Variants in METTL25 observed in about 807,000 individuals in gnomAD.
METTL25 encodes the protein probable methyltransferase-like protein 25.
In METTL25, 64 loss-of-function variants were observed where a neutral mutation model predicts 71.6. That is an observed-to-expected ratio of 0.89 (90% confidence interval 0.73 to 1.10). The LOEUF is 1.10. Among genes scored for constraint, METTL25 ranks in the 50% least tolerant of loss-of-function variants. METTL25 has a pLI of 0.00. For missense variants in METTL25, 807 were observed against 707.0 expected, an observed-to-expected ratio of 1.14 and a Z score of -1.60; for synonymous variants, 287 against 250.3, an observed-to-expected ratio of 1.15 and a Z score of -1.38.
chr12:82,456,580 G>A (rs918558671), intron 8 of METTL25, 147 bp from the exon 9 acceptor site: 35 of 482,096 alleles, frequency 7.3e-5, no homozygotes, highest in African/African-American at 5.6e-4. Flanking sequence ...ACTTTAAAAT[G>A]TCCTCAAAAG....
At chr12:82,461,604 A>G (rs1891883285) in intron 9 of METTL25, among the ~76,000 whole-genome samples, 1 of 152,204 alleles carries the variant, frequency 6.6e-6, no homozygotes, top group African/African-American at 2.4e-5. Flanking sequence ...CATCAGGCAA[A>G]CAATAAACCT....
At chr12:82,475,179 ACTGCTGAT>A (rs1892813970) in intron 9 of METTL25, among the ~76,000 whole-genome samples, 1 of 152,218 alleles carries the variant, frequency 6.6e-6, no homozygotes. Context: ...TTATCTTACA[ACTGCTGAT>A]CTTCAGATGG....
chr12:82,403,483 A>G (rs1886820767), intron 5 of METTL25, among the ~76,000 whole-genome samples: 1 of 152,214 alleles, frequency 6.6e-6, no homozygotes, highest in South Asian at 2.1e-4. Context: ...TGTTATGAAT[A>G]TTGAATTTCA....
rs1412687969 is a variant in METTL25 at position 82,478,989 on chromosome 12, T to C, written c.1777T>C (p.Cys593Arg). Residue 593 changes from cysteine to arginine, a missense_variant, in exon 12 of 12, where the codon TGT becomes CGT. Transcript: ENST00000248306. ...GTTTGATCCCGTGAAATCTCCCAGA[T>C]GTTATGCTGTTATTGCCCTGAAGAA... Reference protein sequence around the residue: ...KLFDPVKSPRCYAVIALKKQQ With the variant: ...KLFDPVKSPRRYAVIALKKQQ 1 of 1,612,724 alleles carries C rather than the reference T, an allele frequency of 6.2e-7. No individual in the cohort carries two copies. The highest frequency in any genetic ancestry group is 8.5e-7 in the Non-Finnish European group (1 of 1,179,104).
chr12:82,467,248 C>A (rs1404912353), intron 9 of METTL25, among the ~76,000 whole-genome samples: 1 of 151,690 alleles, frequency 6.6e-6, no homozygotes, highest in Non-Finnish European at 1.5e-5. Context: ...AAATTGTTTT[C>A]TGGTTGTTTT....
intron 8 of METTL25, among the ~76,000 whole-genome samples, chr12:82,456,451 T>C (rs112153165): frequency 1.4e-4 from 22 of 152,062 alleles, no homozygotes; most frequent in African/African-American, 4.6e-4. Context: ...GAAAGACCAA[T>C]AGTTCCTTTT....
At chr12:82,359,769 A>G (rs574868110) in intron 1 of METTL25, among the ~76,000 whole-genome samples, 274 of 152,344 alleles carry the variant, frequency 1.8e-3, no homozygotes, top group African/African-American at 6.0e-3. Context: ...AATGATGGAC[A>G]CCAACAGGCT....
chr12:82,417,645 C>T (rs1216344813), intron 5 of METTL25, among the ~76,000 whole-genome samples: 1 of 151,982 alleles, frequency 6.6e-6, no homozygotes, highest in African/African-American at 2.4e-5. Flanking sequence ...TACAATGTGC[C>T]AGATACTTTT....
Position 82,476,695 on chromosome 12 carries a change from A to G in METTL25, c.1624A>G (p.Asn542Asp). Residue 542 changes from asparagine (N) to aspartate (D), a missense_variant, in exon 10 of 12, where the codon AAT becomes GAT. Asn to Asp is a conservative substitution (Grantham distance 23, BLOSUM62 1). Transcript: ENST00000248306. ...NYYEKYKPRM[N>D]ELEAFNMLKV... ...CTACGAGAAGTATAAGCCTCGAATG[A>G]ATGAGCTGGAAGCTTTTAATATGGT... 1 of 1,597,898 alleles carries G rather than the reference A, an allele frequency of 6.3e-7. No individual in the cohort carries two copies. Among genetic ancestry groups the G allele is most frequent in the Non-Finnish European group, 8.5e-7 (1 of 1,172,844 alleles).
chr12:82,420,437 C>T (rs2401034), intron 5 of METTL25, among the ~76,000 whole-genome samples: 128,909 of 152,044 alleles, frequency 0.85, 55,026 homozygotes, highest in East Asian at 1. Flanking sequence ...GGCTTGATGG[C>T]TTTACAGGTG....
chr12:82,463,888 T>C (rs1892063922), intron 9 of METTL25, among the ~76,000 whole-genome samples: 2 of 152,048 alleles, frequency 1.3e-5, no homozygotes, highest in East Asian at 3.9e-4. Flanking sequence ...TGTCTTCTTT[T>C]GAGAAATATC....
intron 4 of METTL25, among the ~76,000 whole-genome samples, chr12:82,400,590 A>AAAAT (rs1886529161): frequency 8.9e-3 from 1 of 112 alleles, no homozygotes; most frequent in East Asian, 0.25. Flanking sequence ...AGTTTAACTT[A>AAAAT]AATGTAAATT....
intron 9 of METTL25, among the ~76,000 whole-genome samples, chr12:82,466,433 T>C (rs1396290827): frequency 6.6e-6 from 1 of 152,044 alleles, no homozygotes; most frequent in East Asian, 1.9e-4. Context: ...ATGTTTAGTT[T>C]TATTCCATTG....
intron 11 of METTL25, 44 bp from the exon 12 acceptor site, chr12:82,478,888 C>A: frequency 6.7e-7 from 1 of 1,495,960 alleles, no homozygotes. Flanking sequence ...TAATTTTTTT[C>A]TTCAACAAAT....
chr12:82,424,289 A>G (rs893851107), intron 5 of METTL25, among the ~76,000 whole-genome samples: 1 of 152,144 alleles, frequency 6.6e-6, no homozygotes, highest in Non-Finnish European at 1.5e-5. Context: ...CGCAAGGACA[A>G]AAAACCAAAC....
At chr12:82,384,499 C>T (rs1044467347) in intron 1 of METTL25, among the ~76,000 whole-genome samples, 1 of 144,450 alleles carries the variant, frequency 6.9e-6, no homozygotes, top group African/African-American at 2.6e-5. Context: ...AGTACAGCAG[C>T]TATATTTCCA....
chr12:82,478,754 C>T (rs1893026971), intron 11 of METTL25, among the ~76,000 whole-genome samples, 178 bp from the exon 12 acceptor site: 1 of 151,910 alleles, frequency 6.6e-6, no homozygotes, highest in South Asian at 2.1e-4. Context: ...GTTTCCTCAG[C>T]ATAAACTTTT....
In METTL25 at chr12:82,399,354, C is replaced by T; in HGVS notation, c.1091C>T (p.Thr364Ile). 2 of 1,597,428 alleles carry T rather than the reference C, an allele frequency of 1.3e-6. No homozygotes were observed. The highest frequency in any genetic ancestry group is 1.7e-6 in the Non-Finnish European group (2 of 1,174,404). ...TATTCACCTTTAACCTCTTTTATCA[C>T]TGCTGATTCAGAACTCCATGACATT... ...NIYSPLTSFI[T>I]ADSELHDIIK... Residue 364 changes from threonine to isoleucine, a missense_variant, in exon 4 of 12, where the codon ACT (threonine) becomes ATT (isoleucine). Physicochemically the swap from Thr to Ile is moderately conservative, Grantham distance 89. Coordinates refer to ENST00000248306, the MANE Select transcript of METTL25 (RefSeq NM_032230.3).
chr12:82,370,984 C>T (rs367747131), intron 1 of METTL25, among the ~76,000 whole-genome samples: 4 of 152,318 alleles, frequency 2.6e-5, no homozygotes, highest in South Asian at 4.1e-4. Context: ...GGGGGTTCCC[C>T]CAGAGGTTAG....
Sources: gnomAD v4.1 joint callset for allele counts (sites outside exome capture counted in the v4.1 genomes callset) on GRCh38, gnomAD v4.1.1 for gene constraint, MANE v1.5 for transcripts, NCBI Gene and HGNC (gene_info 2026-07-23, HGNC 2026-07-21) for gene names.